MPPED1: variants seen among roughly 807,000 people sequenced by gnomAD.
MPPED1 encodes metallophosphoesterase domain containing 1, also known as metallophosphoesterase domain-containing protein 1.
MPPED1 carries 16 observed loss-of-function variants against 36.2 expected under a neutral mutation model. The ratio of observed to expected loss-of-function variants is 0.44; its 90% CI spans 0.30 to 0.67. The LOEUF is 0.67. Ranked by LOEUF, MPPED1 falls within the 30% of genes least tolerant of loss-of-function variation. The pLI, the probability that MPPED1 is intolerant of heterozygous loss-of-function variation, is 0.10. For missense variants in MPPED1, 307 were observed against 453.4 expected (o/e 0.68, Z 2.93); for synonymous variants, 199 against 191.3 (o/e 1.04, Z -0.33).
At chr22:43,453,715 A>G (rs1930654812) in intron 3 of MPPED1, among the ~76,000 whole-genome samples, 1 of 152,202 alleles carries the variant, frequency 6.6e-6, no homozygotes. Flanking sequence ...GAGCTCCAAG[A>G]GCCTACAATT....
chr22:43,435,326 C>A, intron 3 of MPPED1, 111 bp downstream of exon 3: 1 of 1,238,794 alleles, frequency 8.1e-7, no homozygotes, highest in Non-Finnish European at 1.1e-6. Flanking sequence ...GGGCCCCCTC[C>A]TTGGCCTGTG....
rs766728882 is a variant in MPPED1 at position 43,505,773 on chromosome 22, T to C, written c.*157T>C. The C allele has an allele frequency of 1.9e-5, 12 of 621,242 alleles. No individual in the cohort carries two copies. The highest frequency in any genetic ancestry group is 3.7e-5 in the African/African-American group (2 of 54,298). 38.5% of individuals were successfully genotyped at this position (621,242 alleles called of 1,614,324 possible). ...GCCTTGGAACGACTCTTTAGCCTTCTGTCACCTGGAGTTGGGACCCTGCGC... is the reference window on the plus strand; with the variant it reads ...GCCTTGGAACGACTCTTTAGCCTTCCGTCACCTGGAGTTGGGACCCTGCGC... On this transcript the variant is annotated 3_prime_UTR_variant, in exon 7 of 7. Transcript: ENST00000443721.
chr22:43,440,395 C>T (rs1490518696), intron 3 of MPPED1, among the ~76,000 whole-genome samples: 4 of 152,090 alleles, frequency 2.6e-5, no homozygotes, highest in Non-Finnish European at 1.5e-5. Flanking sequence ...AGCATGCAGG[C>T]CCCCCTGGAG....
chr22:43,443,327 C>G (rs565382218), intron 3 of MPPED1, among the ~76,000 whole-genome samples: 2 of 152,240 alleles, frequency 1.3e-5, no homozygotes, highest in South Asian at 4.2e-4. Flanking sequence ...AGGACAAGGT[C>G]TGATTCGGGT....
chr22:43,505,660 C>A lies in MPPED1; in HGVS notation c.*44C>A. 1 of 1,525,242 alleles carries A rather than the reference C, an allele frequency of 6.6e-7. No homozygotes were observed. The highest frequency in any genetic ancestry group is 8.9e-7 in the Non-Finnish European group (1 of 1,118,562). The allele number at this position is 1,525,242 out of a possible 1,614,324, so 94.5% of individuals were successfully genotyped here. A position where few individuals can be genotyped will look rare whatever the true frequency, so the allele number is the denominator to read the frequency against. On this transcript the variant is annotated 3_prime_UTR_variant, in exon 7 of 7. Transcript: ENST00000443721. ...GCCCTGCCCGCCCGTGTCAGCTCCA[C>A]AGGCCTGGCCCGGCCACTGTTCCTT...
chr22:43,475,018 C>T lies in MPPED1; in HGVS notation c.632+57C>T, dbSNP rs187857179. Reference sequence around the variant, plus strand: ...TGGTGAGACCAGAGCTGAGGCTGAGCGCAGGGGGTGTAGGGGATGGGAGTA... The same window carrying T: ...TGGTGAGACCAGAGCTGAGGCTGAGTGCAGGGGGTGTAGGGGATGGGAGTA... On this transcript the variant is annotated intron_variant, in intron 4 of 6. Transcript: ENST00000443721. 2.6e-3 allele frequency: 3,896 copies of T among 1,525,142 alleles called. 21 individuals carry two copies. Among genetic ancestry groups the T allele is most frequent in the Middle Eastern group, 0.017 (100 of 5,870 alleles). 94.5% of individuals were successfully genotyped at this position (1,525,142 alleles called of 1,614,324 possible). A position where few individuals can be genotyped will look rare whatever the true frequency, so the allele number is the denominator to read the frequency against.
intron 4 of MPPED1, among the ~76,000 whole-genome samples, chr22:43,496,195 AGTG>A (rs1191777692): frequency 4.2e-4 from 2 of 4,718 alleles, no homozygotes; most frequent in East Asian, 8.8e-3. Flanking sequence ...TGGTGGAGGT[AGTG>A]GTGGTGGAGG....
intron 4 of MPPED1, among the ~76,000 whole-genome samples, chr22:43,497,770 T>TTTTTTTTTTTTTTTTTTTTTTGA (rs1569090439): frequency 6.7e-6 from 1 of 148,912 alleles, no homozygotes; most frequent in African/African-American, 2.5e-5. Context: ...TGCTCTCTTT[T>TTTTTTTTTTTTTTTTTTTTTTGA]GACTGGGGGT....
At chr22:43,443,715 T>G (rs1384010032) in intron 3 of MPPED1, among the ~76,000 whole-genome samples, 3 of 152,142 alleles carry the variant, frequency 2.0e-5, no homozygotes, top group South Asian at 2.1e-4. Flanking sequence ...CTAACAAGAA[T>G]TCTCTCTGAA....
chr22:43,502,813 C>G lies in MPPED1; in HGVS notation c.862+56C>G. On this transcript the variant is annotated intron_variant, in intron 6 of 6. Coordinates refer to ENST00000443721, the MANE Select transcript of MPPED1 (RefSeq NM_001044370.2). The surrounding 1 kb of genome is among the most constrained non-coding windows in gnomAD (Gnocchi z 5.5). ...GGGCTAGGGGCTCCTAATGGACCCT[C>G]CAGCAGGACCTCCCCTTCGTTCAGC... 1 of 1,401,726 alleles carries G rather than the reference C, an allele frequency of 7.1e-7. No individual in the cohort carries two copies. The allele number at this position is 1,401,726 out of a possible 1,614,324, so 86.8% of individuals were successfully genotyped here.
At chr22:43,451,730 C>T (rs1935293563) in intron 3 of MPPED1, among the ~76,000 whole-genome samples, 2 of 152,244 alleles carry the variant, frequency 1.3e-5, no homozygotes, top group South Asian at 4.1e-4. Flanking sequence ...TAAAACTCTG[C>T]AGAGGTTTCC....
intron 2 of MPPED1, among the ~76,000 whole-genome samples, chr22:43,433,443 T>C (rs1202168859): frequency 3.0e-5 from 1 of 33,268 alleles, no homozygotes; most frequent in East Asian, 9.8e-4. Context: ...AGTGAATGAG[T>C]GAATGAGTGA....
At chr22:43,489,584 T>C (rs1932022054) in intron 4 of MPPED1, among the ~76,000 whole-genome samples, 2 of 151,970 alleles carry the variant, frequency 1.3e-5, no homozygotes, top group South Asian at 2.1e-4. Flanking sequence ...AGTGGCATGA[T>C]CTCAGCTCAC....
intron 4 of MPPED1, among the ~76,000 whole-genome samples, chr22:43,482,086 A>C (rs1011806982): frequency 2.6e-5 from 4 of 152,134 alleles, no homozygotes; most frequent in Non-Finnish European, 5.9e-5. Context: ...AACCAACTGC[A>C]GGAGAAGAGG....
intron 3 of MPPED1, among the ~76,000 whole-genome samples, chr22:43,436,048 A>G (rs1049214817): frequency 6.6e-6 from 1 of 152,242 alleles, no homozygotes; most frequent in South Asian, 2.1e-4. Flanking sequence ...GCCCTTTCCC[A>G]TGCACTGCGC....
intron 3 of MPPED1, among the ~76,000 whole-genome samples, chr22:43,445,569 T>TTTTTTTTTTTTTC (rs1930307764): frequency 6.7e-6 from 1 of 149,772 alleles, no homozygotes; most frequent in Non-Finnish European, 1.5e-5. Flanking sequence ...TTTTTTTTTT[T>TTTTTTTTTTTTTC]TTTTTTTTGC....
chr22:43,498,745 C>T (rs1369349920), intron 5 of MPPED1, among the ~76,000 whole-genome samples: 1 of 152,072 alleles, frequency 6.6e-6, no homozygotes, highest in Non-Finnish European at 1.5e-5. Context: ...TCACCCCCAC[C>T]CAGCCCAACA....
chr22:43,452,959 A>AT (rs1930624291), intron 3 of MPPED1, among the ~76,000 whole-genome samples: 3 of 59,820 alleles, frequency 5.0e-5, no homozygotes, highest in Non-Finnish European at 1.3e-4. Flanking sequence ...TTTTAGTCTT[A>AT]CTTTTTTTTT....
chr22:43,443,334 G>A (rs959678359), intron 3 of MPPED1, among the ~76,000 whole-genome samples: 4 of 152,158 alleles, frequency 2.6e-5, no homozygotes, highest in Admixed American at 2.0e-4. Context: ...GGTCTGATTC[G>A]GGTTTCTGAA....
Sources: allele counts gnomAD v4.1 joint callset (sites outside exome capture counted in the v4.1 genomes callset), GRCh38; gene constraint gnomAD v4.1.1; non-coding constraint Gnocchi (gnomAD v3.1); transcripts MANE v1.5; gene names NCBI Gene and HGNC (gene_info 2026-07-23, HGNC 2026-07-21).